MKRN2: variants seen among roughly 807,000 people sequenced by gnomAD.
The protein encoded by MKRN2 is E3 ubiquitin-protein ligase makorin-2.
MKRN2 carries 32 observed loss-of-function variants against 45.4 expected under a neutral mutation model. The ratio of observed to expected loss-of-function variants is 0.70; its 90% CI spans 0.53 to 0.95. MKRN2 has a LOEUF of 0.95. MKRN2 is among the 40% of genes least tolerant of loss of function. MKRN2 has a pLI of 0.00. For synonymous variants in MKRN2, 206 were observed against 192.4 expected (o/e 1.07, Z -0.59); for missense variants, 526 against 536.7 (o/e 0.98, Z 0.20).
chr3:12,572,233 C>G lies in MKRN2; in HGVS notation c.502C>G (p.Gln168Glu). 6.2e-7 allele frequency: 1 copy of G among 1,614,098 alleles called. No individual in the cohort carries two copies. Among genetic ancestry groups the G allele is most frequent in the Non-Finnish European group, 8.5e-7 (1 of 1,179,998 alleles). The change falls in exon 4 of 8, where the codon CAG becomes GAG. Residue 168 changes from glutamine (Q) to glutamate (E), a missense_variant. Coordinates refer to ENST00000170447, the MANE Select transcript of MKRN2 (RefSeq NM_014160.5). ...VEASSSYSNE[Q>E]QLCPYAAAGE... is the part of the protein sequence containing the mutation. ...GGCCAGCAGCTCCTACAGCAACGAG[C>G]AGCAGCTGTGCCCCTACGCAGCTGC...
Position 12,581,907 on chromosome 3 carries a change from G to C in MKRN2, c.1068G>C (p.Glu356Asp). 6.2e-7 allele frequency: 1 copy of C among 1,614,196 alleles called. No homozygotes were observed. The highest frequency in any genetic ancestry group is 8.5e-7 in the Non-Finnish European group (1 of 1,180,046). The change falls in exon 7 of 8, where the codon GAG becomes GAC. Residue 356 changes from glutamate to aspartate, a missense_variant. Coordinates refer to ENST00000170447, the MANE Select transcript of MKRN2 (RefSeq NM_014160.5). ...CTTACCCCGATGGGCGGCTAGCAGA[G>C]CCTGAGAAACCTCGGAAACAGCTCA... ...RHAYPDGRLA[E>D]PEKPRKQLSS...
chr3:12,574,770 T>A (rs754085735), intron 4 of MKRN2, 22 bp from the exon 5 acceptor site: 1 of 1,605,234 alleles, frequency 6.2e-7, no homozygotes, highest in South Asian at 1.1e-5. Flanking sequence ...AACCAAAGCC[T>A]TCCTTCCTGT....
intron 1 of MKRN2, among the ~76,000 whole-genome samples, chr3:12,566,720 A>G (rs2125302305): frequency 6.6e-6 from 1 of 152,294 alleles, no homozygotes; most frequent in South Asian, 2.1e-4. Context: ...CTCCTGCCTC[A>G]GCCTCCCAAG....
At chr3:12,561,331 G>T (rs558854936) in intron 1 of MKRN2, among the ~76,000 whole-genome samples, 2 of 152,280 alleles carry the variant, frequency 1.3e-5, no homozygotes, top group African/African-American at 4.8e-5. Flanking sequence ...TATGGAAGGC[G>T]GAGGTAGAAT....
chr3:12,576,718 T>C lies in MKRN2; in HGVS notation c.945T>C (p.Ile315=). The stretch of plus-strand genomic sequence containing the variant: ...ATCAGAATAAAAAGAACGAGTTGAT[T>C]GAAGCTTTCAAACAGGGGATGGGGT... ...VEDQNKKNEL[I]EAFKQGMGKK... The change falls in exon 6 of 8, where the codon ATT becomes ATC. Residue 315 remains isoleucine (I), a synonymous_variant. Coordinates refer to ENST00000170447, the MANE Select transcript of MKRN2 (RefSeq NM_014160.5). The C allele has an allele frequency of 1.9e-6, 3 of 1,606,534 alleles. No homozygotes were observed. The highest frequency in any genetic ancestry group is 2.6e-6 in the Non-Finnish European group (3 of 1,173,634).
intron 5 of MKRN2, among the ~76,000 whole-genome samples, chr3:12,575,578 A>T (rs1357121722): frequency 6.6e-6 from 1 of 152,118 alleles, no homozygotes; most frequent in East Asian, 1.9e-4. Context: ...CGCTCATCTC[A>T]TTCCCTCAAA....
chr3:12,561,128 G>A (rs1316267884), intron 1 of MKRN2: 1 of 152,170 alleles, frequency 6.6e-6, no homozygotes, highest in Non-Finnish European at 1.5e-5. Flanking sequence ...AGGCAGTGAT[G>A]GTGGTCTAGA....
rs1421728574 is a variant in MKRN2 at position 12,582,298 on chromosome 3, T to G, written c.*45T>G. The G allele has an allele frequency of 6.2e-7, 1 of 1,608,584 alleles. No homozygotes were observed. Among genetic ancestry groups the G allele is most frequent in the East Asian group, 2.2e-5 (1 of 44,756 alleles). ...CATCTTGGGCTCCATCGGCCGAAAC[T>G]TTCCCAAGCCAGGGTGTGCGGAGCT... On this transcript the variant is annotated 3_prime_UTR_variant, in exon 8 of 8. Coordinates refer to ENST00000170447, the MANE Select transcript of MKRN2 (RefSeq NM_014160.5).
In MKRN2 at chr3:12,582,233, G is replaced by A. The variant is rs764840705; in HGVS notation, c.1231G>A (p.Val411Met). The A allele has an allele frequency of 1.2e-6, 2 of 1,614,162 alleles. No homozygotes were observed. Among genetic ancestry groups the A allele is most frequent in the Non-Finnish European group, 1.7e-6 (2 of 1,180,044 alleles). Residue 411 changes from valine to methionine, a missense_variant, in exon 8 of 8, where the codon GTG (valine) becomes ATG (methionine). Val to Met is a conservative substitution (Grantham distance 21). Coordinates refer to ENST00000170447, the MANE Select transcript of MKRN2 (RefSeq NM_014160.5). ...LGDLFMHLSG[V>M]ESSEP The stretch of plus-strand genomic sequence containing the variant: ...GGACCTCTTCATGCACCTTTCTGGA[G>A]TGGAATCATCAGAACCCTAAAGAGT...
chr3:12,581,080 A>C (rs1439845338), intron 6 of MKRN2, among the ~76,000 whole-genome samples: 1 of 151,900 alleles, frequency 6.6e-6, no homozygotes, highest in Non-Finnish European at 1.5e-5. Flanking sequence ...ATGGGAATTC[A>C]TTTGATTGAG....
intron 6 of MKRN2, among the ~76,000 whole-genome samples, chr3:12,579,459 G>A (rs1236375887): frequency 2.0e-5 from 3 of 152,178 alleles, no homozygotes; most frequent in Admixed American, 6.5e-5. Context: ...GAGCCACTGT[G>A]CCCCGCCAAG....
intron 1 of MKRN2, among the ~76,000 whole-genome samples, chr3:12,557,844 C>A (rs1367968793): frequency 6.6e-6 from 1 of 152,316 alleles, no homozygotes; most frequent in East Asian, 1.9e-4. Flanking sequence ...ATTTATCTTA[C>A]TGAGAGAGCC....
chr3:12,558,537 A>ATT (rs10670373), intron 1 of MKRN2, among the ~76,000 whole-genome samples: 2,240 of 152,314 alleles, frequency 0.015, 53 homozygotes, highest in African/African-American at 0.049. Flanking sequence ...AACAGTACAC[A>ATT]TTTATGTAAT....
intron 2 of MKRN2, 21 bp downstream of exon 2, chr3:12,569,024 T>A: frequency 1.2e-6 from 2 of 1,601,752 alleles, no homozygotes; most frequent in Non-Finnish European, 8.5e-7. Context: ...TGCAACAGAT[T>A]CCAGCTGTGA....
intron 3 of MKRN2, among the ~76,000 whole-genome samples, chr3:12,570,508 T>C (rs1442270259): frequency 6.6e-6 from 1 of 152,106 alleles, no homozygotes; most frequent in East Asian, 1.9e-4. Flanking sequence ...ACACAATCTT[T>C]TTGTCAACAT....
At chr3:12,580,654 T>TC (rs2058171519) in intron 6 of MKRN2, among the ~76,000 whole-genome samples, 1 of 152,196 alleles carries the variant, frequency 6.6e-6, no homozygotes, top group Admixed American at 6.5e-5. Flanking sequence ...AGATGGGGTT[T>TC]CGCTGTGTTG....
At chr3:12,557,763 G>C (rs2057992844) in intron 1 of MKRN2, among the ~76,000 whole-genome samples, 1 of 152,230 alleles carries the variant, frequency 6.6e-6, no homozygotes, top group South Asian at 2.1e-4. Context: ...AGACTTCACA[G>C]TAAGACAACT....
Position 12,574,580 on chromosome 3 carries a change from G to T in MKRN2, c.643-212G>T, listed in dbSNP as rs73128395. ...CCATGTCACCTCCTAGGAAAGCAAG[G>T]GGCTGGACCAGTGATGGTTTGAAGT... On this transcript the variant is annotated intron_variant, in intron 4 of 7. Transcript: ENST00000170447. Among the ~76,000 whole-genome samples, 99 of 152,190 alleles carry T rather than the reference G, an allele frequency of 6.5e-4. 2 individuals are homozygous for T. The highest frequency in any genetic ancestry group is 9.6e-4 in the Non-Finnish European group (65 of 68,022).
At chr3:12,568,853 A>G (rs759019327) in intron 1 of MKRN2, 22 bp from the exon 2 acceptor site, 18 of 1,605,222 alleles carry the variant, frequency 1.1e-5, no homozygotes, top group Middle Eastern at 1.7e-4. Context: ...TAAAAGTTGT[A>G]TGCCTGTGCT....
Sources: gnomAD v4.1 joint callset for allele counts (sites outside exome capture counted in the v4.1 genomes callset) on GRCh38, gnomAD v4.1.1 for gene constraint, MANE v1.5 for transcripts, NCBI Gene and HGNC (gene_info 2026-07-23, HGNC 2026-07-21) for gene names.